Variants in MDM2 observed in about 807,000 individuals in gnomAD.
MDM2 encodes the protein E3 ubiquitin-protein ligase Mdm2.
In MDM2, 11 loss-of-function variants were observed where a neutral mutation model predicts 64.3. The ratio of observed to expected loss-of-function variants is 0.17; its 90% CI spans 0.11 to 0.28. MDM2 has a LOEUF of 0.28. Among genes scored for constraint, MDM2 ranks in the 10% least tolerant of loss-of-function variants. MDM2 has a pLI of 1.00. For synonymous variants in MDM2, 194 were observed against 192.9 expected, an observed-to-expected ratio of 1.01 and a Z score of -0.05; for missense variants, 388 against 577.1, an observed-to-expected ratio of 0.67 and a Z score of 3.36.
At chr12:68,847,196 T>TTATATATACATATATATATATATA (rs1884366527), downstream of MDM2, 3 of 92,058 alleles carry the variant, frequency 3.3e-5, no homozygotes, top group South Asian at 2.7e-4. Context: ...TGTGTGTACA[T>TTATATATACATATATATATATATA]TATATATATA....
intron 10 of MDM2, 39 bp downstream of exon 10, chr12:68,836,788 A>G: frequency 7.5e-7 from 1 of 1,333,122 alleles, no homozygotes; most frequent in East Asian, 2.3e-5. Context: ...TAAAAATTTC[A>G]TTAAGGTCAA....
intron 8 of MDM2, 138 bp from the exon 9 acceptor site, chr12:68,835,691 C>T (rs1453731785): frequency 2.6e-6 from 2 of 758,106 alleles, no homozygotes; most frequent in Non-Finnish European, 3.9e-6. Context: ...CTCGGGAAGT[C>T]CCGGATCAGA....
rs1366780357 is a variant in MDM2 at position 68,845,217 on chromosome 12, G to T, written c.*5368G>T. ...GATTTGATACTTATAAAAAGAAAAA[G>T]TATTTCTTCAGCTTAAAAAATTGTT... is the stretch of plus-strand genomic sequence containing the variant. On this transcript the variant is annotated 3_prime_UTR_variant, in exon 11 of 11. Transcript: ENST00000258149. 12 of 217,570 alleles carry T rather than the reference G, an allele frequency of 5.5e-5. No individual in the cohort carries two copies. Among genetic ancestry groups the T allele is most frequent in the Non-Finnish European group, 9.2e-5 (10 of 108,552 alleles). 13.5% of individuals were successfully genotyped at this position (217,570 alleles called of 1,614,324 possible).
chr12:68,811,997 C>A (rs1187948311), intron 2 of MDM2, among the ~76,000 whole-genome samples: 3 of 151,572 alleles, frequency 2.0e-5, no homozygotes, highest in Non-Finnish European at 4.4e-5. Flanking sequence ...CTGCCTGCCT[C>A]GGCCTCCCAA....
intron 4 of MDM2, among the ~76,000 whole-genome samples, chr12:68,817,736 C>T (rs1409633807): frequency 2.0e-5 from 3 of 151,670 alleles, no homozygotes; most frequent in Non-Finnish European, 4.4e-5. Context: ...GCCTGGGCAA[C>T]GAGCAAAACT....
intron 7 of MDM2, 40 bp from the exon 8 acceptor site, chr12:68,828,731 T>C: frequency 6.3e-7 from 1 of 1,597,792 alleles, no homozygotes; most frequent in Non-Finnish European, 8.6e-7. Flanking sequence ...ATTTTCTAAA[T>C]CACAGTACAG....
chr12:68,811,205 A>G (rs1453866640), intron 2 of MDM2, among the ~76,000 whole-genome samples: 2 of 152,162 alleles, frequency 1.3e-5, no homozygotes, highest in Non-Finnish European at 2.9e-5. Flanking sequence ...GGACTTGCCT[A>G]GTCTTATCTG....
At chr12:68,826,105 A>C (rs776289045) in intron 7 of MDM2, among the ~76,000 whole-genome samples, 1 of 152,230 alleles carries the variant, frequency 6.6e-6, no homozygotes, top group Non-Finnish European at 1.5e-5. Context: ...CAGACAGTTC[A>C]CAAAAATTTC....
In MDM2 at chr12:68,845,229, C is replaced by T. The variant is rs1884187507; in HGVS notation, c.*5380C>T. 1 of 216,872 alleles carries T rather than the reference C, an allele frequency of 4.6e-6. No homozygotes were observed. The highest frequency in any genetic ancestry group is 6.9e-5 in the East Asian group (1 of 14,554). 13.4% of individuals were successfully genotyped at this position (216,872 alleles called of 1,614,324 possible). ...ATAAAAAGAAAAAGTATTTCTTCAG[C>T]TTAAAAAATTGTTTAAAAGTTTGTG... On this transcript the variant is annotated 3_prime_UTR_variant, in exon 11 of 11. Transcript: ENST00000258149.
intron 10 of MDM2, among the ~76,000 whole-genome samples, chr12:68,837,169 G>T (rs150085442): frequency 6.6e-6 from 1 of 151,828 alleles, no homozygotes; most frequent in Admixed American, 6.6e-5. Context: ...GGCCAGGCTG[G>T]TCATGAACTC....
rs769412 is a variant in MDM2 at position 68,839,435 on chromosome 12, A to G, written c.1080A>G (p.Glu360=). ...KAKLENSTQA[E]EGFDVPDCKK... is the part of the protein sequence containing the mutation. ...AACTGGAAAACTCAACACAAGCTGAAGAGGGCTTTGATGTTCCTGATTGTA... is the reference window on the plus strand; with the variant it reads ...AACTGGAAAACTCAACACAAGCTGAGGAGGGCTTTGATGTTCCTGATTGTA... The change falls in exon 11 of 11, where the codon GAA becomes GAG. Residue 360 remains glutamate, a synonymous_variant. Transcript: ENST00000258149. The G allele has an allele frequency of 0.062, 100,365 of 1,613,782 alleles. 3,502 individuals are homozygous for G. Among genetic ancestry groups the G allele is most frequent in the African/African-American group, 0.13 (9,507 of 74,906 alleles).
At chr12:68,811,991 C>T (rs1160381734) in intron 2 of MDM2, among the ~76,000 whole-genome samples, 1 of 152,102 alleles carries the variant, frequency 6.6e-6, no homozygotes, top group Non-Finnish European at 1.5e-5. Context: ...GGTGATCTGC[C>T]TGCCTCGGCC....
chr12:68,811,889 T>TGCGCCTGGCCC (rs1466170389), intron 2 of MDM2, among the ~76,000 whole-genome samples: 1 of 152,046 alleles, frequency 6.6e-6, no homozygotes, highest in Non-Finnish European at 1.5e-5. Context: ...CATGAGCCAC[T>TGCGCCTGGCCC]GCGCCTGGCC....
At chr12:68,819,829 T>A (rs928395954) in intron 4 of MDM2, among the ~76,000 whole-genome samples, 1 of 152,214 alleles carries the variant, frequency 6.6e-6, no homozygotes, top group African/African-American at 2.4e-5. Flanking sequence ...GAAAGGAAGT[T>A]GAAGCTTGAT....
intron 5 of MDM2, among the ~76,000 whole-genome samples, chr12:68,820,984 G>A (rs1475616755): frequency 6.7e-6 from 1 of 149,196 alleles, no homozygotes; most frequent in Non-Finnish European, 1.5e-5. Flanking sequence ...GACTTCCATA[G>A]TATAATACTC....
intron 2 of MDM2, 23 bp from the exon 3 acceptor site, chr12:68,813,531 T>A (rs938582780): frequency 1.1e-5 from 17 of 1,547,024 alleles, no homozygotes; most frequent in Non-Finnish European, 1.5e-5. Context: ...GGAAGTATAA[T>A]AGCAGTTCTT....
At chr12:68,830,249 AGGAAGT>A (rs1592590989) in intron 8 of MDM2, among the ~76,000 whole-genome samples, 2 of 152,216 alleles carry the variant, frequency 1.3e-5, no homozygotes, top group Non-Finnish European at 2.9e-5. Context: ...TAGAAGATGT[AGGAAGT>A]GGAACCAATT....
intron 2 of MDM2, among the ~76,000 whole-genome samples, chr12:68,810,779 A>AT (rs950747860): frequency 2.0e-5 from 3 of 147,582 alleles, no homozygotes; most frequent in South Asian, 2.2e-4. Context: ...TATTATTACT[A>AT]TTTTTTTGAT....
chr12:68,846,593 A>G (rs1054619358), downstream of MDM2: 1 of 152,140 alleles, frequency 6.6e-6, no homozygotes, highest in Non-Finnish European at 1.5e-5. Flanking sequence ...TTTTTGGTTC[A>G]GTTATAGTTT....
Sources: gnomAD v4.1 joint callset for allele counts (sites outside exome capture counted in the v4.1 genomes callset) on GRCh38, gnomAD v4.1.1 for gene constraint, MANE v1.5 for transcripts, NCBI Gene and HGNC (gene_info 2026-07-23, HGNC 2026-07-21) for gene names.